The following MND1 variants were observed in gnomAD, a reference collection of about 807,000 sequenced individuals.
MND1 encodes the protein meiotic nuclear division protein 1 homolog.
Under a neutral mutation model 35.1 loss-of-function variants are expected in MND1, and 28 were observed. That is an observed-to-expected ratio of 0.80 (90% CI 0.59 to 1.09). The LOEUF (loss-of-function observed/expected upper bound fraction) is 1.09. Ranked by LOEUF, MND1 falls within the 50% of genes least tolerant of loss-of-function variation. MND1 has a pLI of 0.00. For synonymous variants in MND1, 69 were observed against 70.5 expected (o/e 0.98, Z 0.11); for missense variants, 213 against 239.6 (o/e 0.89, Z 0.73).
intron 3 of MND1, among the ~76,000 whole-genome samples, chr4:153,358,264 T>C (rs906355534): frequency 1.3e-5 from 2 of 152,216 alleles, no homozygotes; most frequent in African/African-American, 4.8e-5. Flanking sequence ...GGCTCCTGTA[T>C]AAGTCATGCT....
At chr4:153,413,622 G>A (rs1729750094) in intron 7 of MND1, among the ~76,000 whole-genome samples, 1 of 151,574 alleles carries the variant, frequency 6.6e-6, no homozygotes, top group Non-Finnish European at 1.5e-5. Context: ...AGACTGCAGT[G>A]AGCTGAGATT....
At chr4:153,379,890 C>T (rs187408601) in intron 4 of MND1, among the ~76,000 whole-genome samples, 117 of 148,244 alleles carry the variant, frequency 7.9e-4, no homozygotes, top group African/African-American at 2.5e-3. Context: ...GGTGTTGTGG[C>T]GCACACCTGT....
intron 4 of MND1, among the ~76,000 whole-genome samples, chr4:153,393,175 A>G (rs1023759333): frequency 6.6e-6 from 1 of 152,008 alleles, no homozygotes; most frequent in Non-Finnish European, 1.5e-5. Flanking sequence ...ACAGGCTAAC[A>G]TTTTTTTCTT....
chr4:153,391,583 C>T (rs1209906087), intron 4 of MND1, among the ~76,000 whole-genome samples: 4 of 151,580 alleles, frequency 2.6e-5, no homozygotes, highest in Admixed American at 6.6e-5. Context: ...AAAAATTCGT[C>T]GGATGTGGTG....
chr4:153,372,666 A>G (rs148422742), intron 4 of MND1, among the ~76,000 whole-genome samples: 1 of 151,990 alleles, frequency 6.6e-6, no homozygotes, highest in East Asian at 1.9e-4. Flanking sequence ...TTCTGCCACT[A>G]TTCATTAGTT....
At chr4:153,344,989 C>T (rs1353481467) in intron 1 of MND1, among the ~76,000 whole-genome samples, 1 of 152,202 alleles carries the variant, frequency 6.6e-6, no homozygotes, top group Non-Finnish European at 1.5e-5. Flanking sequence ...GCCTCCCCGC[C>T]GGCTGCACCC....
intron 2 of MND1, 47 bp downstream of exon 2, chr4:153,350,176 T>G (rs1659052201): frequency 1.5e-6 from 2 of 1,346,944 alleles, no homozygotes; most frequent in Non-Finnish European, 2.1e-6. Flanking sequence ...ATTTTCATCT[T>G]AAGTATATGT....
chr4:153,383,309 C>T (rs1264789176), intron 4 of MND1, among the ~76,000 whole-genome samples: 1 of 152,040 alleles, frequency 6.6e-6, no homozygotes, highest in African/African-American at 2.4e-5. Flanking sequence ...ACAGAGAAGC[C>T]GGATGGTGAG....
intron 4 of MND1, among the ~76,000 whole-genome samples, chr4:153,379,113 C>T (rs1728592054): frequency 6.6e-6 from 1 of 151,634 alleles, no homozygotes; most frequent in Admixed American, 6.6e-5. Context: ...ACGGTGAAAC[C>T]CCGTCTCTAC....
chr4:153,365,144 G>A (rs529532933), intron 4 of MND1, among the ~76,000 whole-genome samples: 46 of 152,008 alleles, frequency 3.0e-4, no homozygotes, highest in African/African-American at 1.1e-3. Flanking sequence ...TGACAATTCT[G>A]GAAGGTATGT....
At chr4:153,409,979 A>G (rs996413070) in intron 7 of MND1, among the ~76,000 whole-genome samples, 1 of 152,220 alleles carries the variant, frequency 6.6e-6, no homozygotes, top group Non-Finnish European at 1.5e-5. Context: ...AGCACACAGT[A>G]GGCACAGGCA....
intron 4 of MND1, among the ~76,000 whole-genome samples, chr4:153,381,276 C>CA (rs1728674478): frequency 6.6e-6 from 1 of 151,896 alleles, no homozygotes; most frequent in African/African-American, 2.4e-5. Context: ...AACCTTCCTC[C>CA]AGCAATGATT....
chr4:153,378,007 C>G (rs946265903), intron 4 of MND1, among the ~76,000 whole-genome samples: 1 of 152,118 alleles, frequency 6.6e-6, no homozygotes, highest in African/African-American at 2.4e-5. Flanking sequence ...CTATGGCAGA[C>G]TTTCTTTGAA....
intron 4 of MND1, among the ~76,000 whole-genome samples, chr4:153,368,945 T>C (rs1351609117): frequency 2.0e-5 from 3 of 152,228 alleles, no homozygotes; most frequent in African/African-American, 7.2e-5. Context: ...ATCTCACAGT[T>C]CTTGTGACTC....
intron 7 of MND1, among the ~76,000 whole-genome samples, chr4:153,413,642 A>G (rs1254029227): frequency 6.6e-6 from 1 of 151,258 alleles, no homozygotes; most frequent in Admixed American, 6.6e-5. Flanking sequence ...TATACCACTC[A>G]CTGCCCTCCA....
intron 1 of MND1, among the ~76,000 whole-genome samples, chr4:153,347,733 A>G (rs1052452032): frequency 1.7e-4 from 26 of 152,122 alleles, no homozygotes; most frequent in African/African-American, 5.8e-4. Context: ...TGGAGTTTTG[A>G]CTAGGCAAGA....
Position 153,355,644 on chromosome 4 carries a change from CTTTAAACAG to C in MND1, c.70-9_70-1del. On this transcript the variant is annotated splice_acceptor_variant and splice_polypyrimidine_tract_variant and intron_variant, in intron 2 of 7. Transcript: ENST00000240488. LOFTEE classifies it high-confidence loss of function. ...CGTGCTTTTCATTTTCTTTAAAACC[CTTTAAACAG>C]AAAGATGTATTTCAATTAAAAGACT... 6.4e-7 allele frequency: 1 copy of C among 1,557,468 alleles called. No individual in the cohort carries two copies. The highest frequency in any genetic ancestry group is 8.8e-7 in the Non-Finnish European group (1 of 1,132,834).
chr4:153,394,188 T>C (rs9999596), intron 4 of MND1, 74 bp from the exon 5 acceptor site: 227,495 of 1,391,868 alleles, frequency 0.16, 19,757 homozygotes, highest in African/African-American at 0.25. Context: ...CTGCACCTGG[T>C]GGACTTTGTT....
intron 2 of MND1, among the ~76,000 whole-genome samples, chr4:153,353,794 A>G (rs1417796549): frequency 1.3e-5 from 2 of 151,978 alleles, no homozygotes; most frequent in Admixed American, 6.6e-5. Flanking sequence ...ATCTTGGCTC[A>G]CTGCAGCCTC....
Sources: allele counts gnomAD v4.1 joint callset (sites outside exome capture counted in the v4.1 genomes callset), GRCh38; gene constraint gnomAD v4.1.1; transcripts MANE v1.5; gene names NCBI Gene and HGNC (gene_info 2026-07-23, HGNC 2026-07-21).